Variants in RFTN2 observed in about 807,000 individuals in gnomAD.
The protein encoded by RFTN2 is raftlin family member 2.
RFTN2 carries 34 observed loss-of-function variants against 52.7 expected under a neutral mutation model. That is an observed-to-expected ratio of 0.64 (90% confidence interval 0.49 to 0.86). The LOEUF (loss-of-function observed/expected upper bound fraction) is 0.86, where lower values mean the gene tolerates loss of function less well. Among genes scored for constraint, RFTN2 ranks in the 40% least tolerant of loss-of-function variants. The pLI is 0.00. For missense variants in RFTN2, 536 were observed against 600.1 expected (o/e 0.89, Z 1.12); for synonymous variants, 203 against 217.7 (o/e 0.93, Z 0.59).
intron 7 of RFTN2, among the ~76,000 whole-genome samples, chr2:197,610,039 G>T (rs2088030228): frequency 6.6e-6 from 1 of 152,212 alleles, no homozygotes; most frequent in Admixed American, 6.5e-5. Flanking sequence ...ATAGTTTGAA[G>T]TCAGGTAGCG....
At chr2:197,593,785 G>A (rs2087753264) in intron 8 of RFTN2, among the ~76,000 whole-genome samples, 1 of 151,198 alleles carries the variant, frequency 6.6e-6, no homozygotes, top group South Asian at 2.1e-4. Flanking sequence ...TACTCGGGAG[G>A]CTGAGGCAGG....
intron 5 of RFTN2, among the ~76,000 whole-genome samples, chr2:197,621,609 T>G (rs2088267217): frequency 6.6e-6 from 1 of 152,126 alleles, no homozygotes; most frequent in South Asian, 2.1e-4. Context: ...TTGTAATTGT[T>G]TTGGGCCACC....
intron 5 of RFTN2, among the ~76,000 whole-genome samples, chr2:197,628,963 A>T (rs886184975): frequency 1.3e-5 from 2 of 152,198 alleles, no homozygotes; most frequent in Non-Finnish European, 2.9e-5. Context: ...CTTCCTATGA[A>T]ACTTTGCTAT....
At chr2:197,670,168 A>G (rs924172851) in intron 1 of RFTN2, among the ~76,000 whole-genome samples, 3 of 152,196 alleles carry the variant, frequency 2.0e-5, no homozygotes, top group Admixed American at 6.5e-5. Flanking sequence ...CTTTAGCGCT[A>G]CAACAGGAGA....
rs1457283502 is a variant in RFTN2, at chr2:197,633,976, C to T, written c.460G>A (p.Gly154Arg). Residue 154 changes from glycine to arginine, a missense_variant, in exon 4 of 9, where the codon GGA becomes AGA. Physicochemically the swap from Gly to Arg is moderately radical, Grantham distance 125 (BLOSUM62 -2). Coordinates refer to ENST00000295049, the MANE Select transcript of RFTN2 (RefSeq NM_144629.3). The part of the protein sequence containing the change: ...IEKINVAAKR[G>R]MKFVGFISQH... ...GATATGAATCCAACAAATTTCATTCCTCTTTTAGCAGCGACATTAATCTGA... is the reference window on the plus strand; with the variant it reads ...GATATGAATCCAACAAATTTCATTCTTCTTTTAGCAGCGACATTAATCTGA... 6.2e-7 allele frequency: 1 copy of T among 1,611,886 alleles called. No individual in the cohort carries two copies. The highest frequency in any genetic ancestry group is 1.3e-5 in the African/African-American group (1 of 74,960).
Position 197,633,583 on chromosome 2 carries a change from A to G in RFTN2, c.718+135T>C, listed in dbSNP as rs986099638. On this transcript the variant is annotated intron_variant, in intron 4 of 8. Coordinates refer to ENST00000295049, the MANE Select transcript of RFTN2 (RefSeq NM_144629.3). ...CTAGCTGTAATAACTTTTAAAAATC[A>G]TGAGGTTTTTATTAGTTCATTTAGT... 1.1e-5 allele frequency: 8 copies of G among 710,996 alleles called. No individual in the cohort carries two copies. In the African/African-American group the frequency reaches 1.4e-4, roughly 13 times the overall value. 44.0% of individuals were successfully genotyped at this position (710,996 alleles called of 1,614,324 possible). A position where few individuals can be genotyped will look rare whatever the true frequency, so the allele number is the denominator to read the frequency against.
At chr2:197,653,272 T>C (rs1183853203) in intron 1 of RFTN2, among the ~76,000 whole-genome samples, 2 of 152,106 alleles carry the variant, frequency 1.3e-5, no homozygotes, top group Non-Finnish European at 2.9e-5. Context: ...ATTAGAGACA[T>C]TCAGTAACAA....
chr2:197,641,049 T>C (rs944637173), intron 3 of RFTN2, among the ~76,000 whole-genome samples: 3 of 152,242 alleles, frequency 2.0e-5, no homozygotes, highest in African/African-American at 7.2e-5. Context: ...ATATGGCTAC[T>C]GTTTTAAACA....
In RFTN2 at chr2:197,644,249, C is replaced by T. The variant is rs760706358; in HGVS notation, c.347G>A (p.Ser116Asn). ...CACGAGCCTTGGGCGTCTTTGTCCA[C>T]TGGGTGCTGCCGAATTCTTTGGGCT... is the stretch of plus-strand genomic sequence containing the variant. ...KLSPKNSAAP[S>N]GQRRPRLVIE... Residue 116 changes from serine to asparagine, a missense_variant, in exon 3 of 9, where the codon AGT becomes AAT. By Grantham distance (46) the Ser-to-Asn change is conservative. Coordinates refer to ENST00000295049, the MANE Select transcript of RFTN2 (RefSeq NM_144629.3). The T allele has an allele frequency of 3.1e-6, 5 of 1,610,046 alleles. No individual in the cohort carries two copies. Among genetic ancestry groups the T allele is most frequent in the Non-Finnish European group, 4.3e-6 (5 of 1,176,396 alleles).
chr2:197,598,762 A>G (rs2106190722), intron 7 of RFTN2, among the ~76,000 whole-genome samples: 1 of 152,264 alleles, frequency 6.6e-6, no homozygotes, highest in African/African-American at 2.4e-5. Flanking sequence ...CCATCACCAG[A>G]AGAGACAGAC....
rs573248493 is a variant in RFTN2 at position 197,602,314 on chromosome 2, G to C, written c.1155-6245C>G. ...TCAAACTCCTTACCTCAGGTGATCTGTCTGCCTTGGCCTCCCAAAGTGCTG... is the reference window on the plus strand; with the variant it reads ...TCAAACTCCTTACCTCAGGTGATCTCTCTGCCTTGGCCTCCCAAAGTGCTG... On this transcript the variant is annotated intron_variant, in intron 7 of 8. Transcript: ENST00000295049. 1.1e-4 allele frequency among the ~76,000 whole-genome samples: 16 copies of C among 152,148 alleles called. No individual in the cohort carries two copies. In the South Asian group the frequency reaches 3.1e-3, roughly 30 times the overall value.
rs116185557 is a variant in RFTN2, at chr2:197,570,596, G to C, written c.*1412C>G. On this transcript the variant is annotated 3_prime_UTR_variant, in exon 9 of 9. Coordinates refer to ENST00000295049, the MANE Select transcript of RFTN2 (RefSeq NM_144629.3). ...ACAAAAATTAGCTGGGCGTGGTGGCGCACACTGGCTGTAGTTCCAGCTAAT... is the reference window on the plus strand; with the variant it reads ...ACAAAAATTAGCTGGGCGTGGTGGCCCACACTGGCTGTAGTTCCAGCTAAT... 1.3e-5 allele frequency: 2 copies of C among 152,186 alleles called. No individual in the cohort carries two copies. Among genetic ancestry groups the C allele is most frequent in the African/African-American group, 4.8e-5 (2 of 41,444 alleles). The allele number at this position is 152,186 out of a possible 1,614,324, so 9.4% of individuals were successfully genotyped here. A position where few individuals can be genotyped will look rare whatever the true frequency, so the allele number is the denominator to read the frequency against.
chr2:197,662,891 G>A (rs2088998980), intron 1 of RFTN2, among the ~76,000 whole-genome samples: 1 of 152,062 alleles, frequency 6.6e-6, no homozygotes, highest in African/African-American at 2.4e-5. Flanking sequence ...CTCCCAAACT[G>A]CTGGGATTAC....
chr2:197,583,617 A>G (rs1180461215), intron 8 of RFTN2, among the ~76,000 whole-genome samples: 2 of 151,134 alleles, frequency 1.3e-5, no homozygotes, highest in Admixed American at 1.3e-4. Flanking sequence ...AGGACTGGAC[A>G]GTACTTCTTT....
At chr2:197,572,969 A>G (rs1207180448) in intron 8 of RFTN2, among the ~76,000 whole-genome samples, 1 of 152,146 alleles carries the variant, frequency 6.6e-6, no homozygotes, top group African/African-American at 2.4e-5. Flanking sequence ...GCCTTCTGCC[A>G]TGACTGTGAG....
rs576807005 is a variant in RFTN2, at chr2:197,606,383, T to A, written c.1154+9493A>T. On this transcript the variant is annotated intron_variant, in intron 7 of 8. Transcript: ENST00000295049. ...GTTAAAATAAATGCATGAATCTGTA[T>A]CAGTTTCAATACAACTAAGCCAGTT... Among the ~76,000 whole-genome samples, 3 of 152,348 alleles carry A rather than the reference T, an allele frequency of 2.0e-5. No individual in the cohort carries two copies. In the South Asian group the frequency reaches 6.2e-4, roughly 32 times the overall value.
At chr2:197,598,904 G>T (rs2087833119) in intron 7 of RFTN2, among the ~76,000 whole-genome samples, 1 of 151,956 alleles carries the variant, frequency 6.6e-6, no homozygotes, top group African/African-American at 2.4e-5. Context: ...GAAACAAAAA[G>T]GGCTTATTTT....
intron 1 of RFTN2, among the ~76,000 whole-genome samples, chr2:197,659,423 G>T (rs1301742462): frequency 1.4e-5 from 2 of 147,784 alleles, no homozygotes; most frequent in Non-Finnish European, 3.0e-5. Context: ...GTTGCAGTGA[G>T]CCGAGACCGT....
chr2:197,587,359 T>C (rs1480131493), intron 8 of RFTN2, among the ~76,000 whole-genome samples: 1 of 152,172 alleles, frequency 6.6e-6, no homozygotes, highest in Non-Finnish European at 1.5e-5. Flanking sequence ...AAGAAAGGAA[T>C]GTCAGGCCTC....
Sources: allele counts gnomAD v4.1 joint callset (sites outside exome capture counted in the v4.1 genomes callset), GRCh38; gene constraint gnomAD v4.1.1; transcripts MANE v1.5; gene names NCBI Gene and HGNC (gene_info 2026-07-23, HGNC 2026-07-21).